Variants in MYPN observed in about 807,000 individuals in gnomAD.
MYPN encodes sarcomeric protein myopalladin, 145 kDa (MYOP).
A neutral mutation model predicts 129.4 loss-of-function variants in MYPN; 63 were observed. The observed-to-expected ratio is 0.49, with a 90% CI of 0.40 to 0.60. MYPN has a LOEUF of 0.60. Ranked by LOEUF, MYPN falls within the 20% of genes least tolerant of loss-of-function variation. The probability of loss-of-function intolerance (pLI) is 0.00; values close to 1 mark genes in which losing one functional copy is unlikely to be tolerated. For missense variants in MYPN, 1,596 were observed against 1,635.4 expected, an observed-to-expected ratio of 0.98 and a Z score of 0.42; for synonymous variants, 629 against 600.9, an observed-to-expected ratio of 1.05 and a Z score of -0.68.
intron 1 of MYPN, among the ~76,000 whole-genome samples, chr10:68,118,977 C>T (rs1489876185): frequency 1.3e-5 from 2 of 151,840 alleles, no homozygotes; most frequent in Non-Finnish European, 2.9e-5. Flanking sequence ...AGAGAGAAAG[C>T]CATCCTGATT....
At chr10:68,206,180 A>G (rs2043812528) in intron 18 of MYPN, among the ~76,000 whole-genome samples, 1 of 152,118 alleles carries the variant, frequency 6.6e-6, no homozygotes, top group East Asian at 1.9e-4. Context: ...GTTTCCAAAA[A>G]TCCTAATGCT....
At chr10:68,203,163 C>T (rs957963061) in intron 18 of MYPN, among the ~76,000 whole-genome samples, 1 of 152,120 alleles carries the variant, frequency 6.6e-6, no homozygotes, top group African/African-American at 2.4e-5. Context: ...AAGGCAGTGG[C>T]AGGGGAGGGA....
In MYPN at chr10:68,185,583, C is replaced by T. The variant is rs540160610; in HGVS notation, c.2704-3322C>T. On this transcript the variant is annotated intron_variant, in intron 12 of 19. Coordinates refer to ENST00000358913, the MANE Select transcript of MYPN (RefSeq NM_032578.4). ...GAGCCTGAAATAAATGGAGAACAGC[C>T]ACCCTCATGAAAAGTTTGGGGTCTA... is the stretch of plus-strand genomic sequence containing the variant. Among the ~76,000 whole-genome samples, 3 of 152,234 alleles carry T rather than the reference C, an allele frequency of 2.0e-5. No homozygotes were observed. In the East Asian group the frequency reaches 5.8e-4, roughly 29 times the overall value.
chr10:68,211,898 G>T lies in MYPN; in HGVS notation c.*1443G>T, dbSNP rs777801208. The T allele has an allele frequency of 2.7e-5, 12 of 440,300 alleles. No homozygotes were observed. The highest frequency in any genetic ancestry group is 5.0e-5 in the Non-Finnish European group (11 of 218,766). The allele number at this position is 440,300 out of a possible 1,614,324, so 27.3% of individuals were successfully genotyped here. A position where few individuals can be genotyped will look rare whatever the true frequency, so the allele number is the denominator to read the frequency against. ...GAATCCCTGGTGCTGTCTGTGCCAA[G>T]CACACTCAGCTGGCATTGTATTTGT... On this transcript the variant is annotated 3_prime_UTR_variant, in exon 20 of 20. Transcript: ENST00000358913.
chr10:68,132,969 A>G (rs965056261), intron 2 of MYPN, among the ~76,000 whole-genome samples: 1 of 151,716 alleles, frequency 6.6e-6, no homozygotes, highest in Non-Finnish European at 1.5e-5. Flanking sequence ...TTCTCTTCCA[A>G]CACCCCAAAA....
chr10:68,103,309 T>TA (rs1335264311), upstream of MYPN, among the ~76,000 whole-genome samples: 1 of 152,236 alleles, frequency 6.6e-6, no homozygotes, highest in Non-Finnish European at 1.5e-5. Flanking sequence ...ATTTGGCACT[T>TA]ACTATTTTCC....
intron 2 of MYPN, among the ~76,000 whole-genome samples, chr10:68,140,668 T>A (rs573967055): frequency 6.6e-6 from 1 of 152,136 alleles, no homozygotes; most frequent in Non-Finnish European, 1.5e-5. Context: ...AGAAAAAACA[T>A]GGGCAGAGAC....
intron 9 of MYPN, 151 bp downstream of exon 9, chr10:68,165,969 G>A (rs1289510585): frequency 2.4e-6 from 2 of 819,558 alleles, no homozygotes; most frequent in East Asian, 2.6e-5. Context: ...TTCTTGAACA[G>A]TGTCCAATTT....
At chr10:68,197,106 A>G (rs981740896) in intron 15 of MYPN, among the ~76,000 whole-genome samples, 23 of 152,184 alleles carry the variant, frequency 1.5e-4, no homozygotes, top group African/African-American at 5.5e-4. Context: ...AATGACAGAA[A>G]GAAGCTAAGC....
chr10:68,151,368 T>C (rs1334783461), intron 6 of MYPN, among the ~76,000 whole-genome samples: 2 of 152,194 alleles, frequency 1.3e-5, no homozygotes, highest in Non-Finnish European at 2.9e-5. Context: ...TGCCTCTCAA[T>C]TTTTCAAGTT....
rs2042242365 is a variant in MYPN at position 68,121,561 on chromosome 10, T to C, written c.123T>C (p.Pro41=). 6.2e-7 allele frequency: 1 copy of C among 1,614,192 alleles called. No individual in the cohort carries two copies. Among genetic ancestry groups the C allele is most frequent in the Non-Finnish European group, 8.5e-7 (1 of 1,180,034 alleles). Residue 41 remains proline (P), a synonymous_variant, in exon 2 of 20, where the codon CCT becomes CCC. Transcript: ENST00000358913. ...ERSRAEPSSN[P]CHFGSPSGAA... is the part of the protein sequence containing the mutation. ...GTCGAGCGGAGCCCTCCTCCAACCC[T>C]TGCCATTTCGGCAGTCCTTCTGGGG...
rs533569387 is a variant in MYPN, at chr10:68,188,637, A to G, written c.2704-268A>G. On this transcript the variant is annotated intron_variant, in intron 12 of 19. Coordinates refer to ENST00000358913, the MANE Select transcript of MYPN (RefSeq NM_032578.4). ...TAGCTCTGAAAATTATATTCCATCT[A>G]CATTCCATTTCCTACAGAATTCTCC... Among the ~76,000 whole-genome samples the G allele has an allele frequency of 2.0e-5, 3 of 152,284 alleles. No homozygotes were observed. In the South Asian group the frequency reaches 6.2e-4, roughly 32 times the overall value.
chr10:68,118,999 T>C (rs2133986007), intron 1 of MYPN, among the ~76,000 whole-genome samples: 1 of 152,240 alleles, frequency 6.6e-6, no homozygotes, highest in East Asian at 1.9e-4. Flanking sequence ...ATAAGGCACT[T>C]AATTTCCCCC....
At chr10:68,090,974 G>A (rs535821521) in intron 1 of MYPN, among the ~76,000 whole-genome samples, 5 of 152,108 alleles carry the variant, frequency 3.3e-5, no homozygotes, top group South Asian at 2.1e-4. Flanking sequence ...CAAAGTACTC[G>A]CATTAACCAA....
At chr10:68,189,203 A>T (rs1220262292) in intron 13 of MYPN, 77 bp downstream of exon 13, 2 of 990,508 alleles carry the variant, frequency 2.0e-6, no homozygotes, top group East Asian at 2.4e-5. Context: ...GTCTTTAAAA[A>T]ATATACGCAA....
At chr10:68,121,316 A>T in intron 1 of MYPN, 122 bp from the exon 2 acceptor site, 1 of 846,572 alleles carries the variant, frequency 1.2e-6, no homozygotes, top group Non-Finnish European at 1.8e-6. Context: ...TAAAAGTATT[A>T]AAATTAGGCA....
At chr10:68,101,383 T>A (rs2041981147), upstream of MYPN, among the ~76,000 whole-genome samples, 1 of 152,188 alleles carries the variant, frequency 6.6e-6, no homozygotes, top group South Asian at 2.1e-4. Flanking sequence ...GAACAGTGGT[T>A]TGTATTTCAT....
chr10:68,169,806 C>T (rs12784496), intron 10 of MYPN, among the ~76,000 whole-genome samples: 66 of 151,602 alleles, frequency 4.4e-4, no homozygotes, highest in Non-Finnish European at 8.7e-4. Context: ...CTGGCGTGAT[C>T]TCAGCTCACT....
At chr10:68,178,565 T>C (rs2043263899) in intron 12 of MYPN, among the ~76,000 whole-genome samples, 1 of 151,836 alleles carries the variant, frequency 6.6e-6, no homozygotes. Context: ...ATACAAAAAT[T>C]AGATGGGTTT....
Sources: gnomAD v4.1 joint callset for allele counts (sites outside exome capture counted in the v4.1 genomes callset) on GRCh38, gnomAD v4.1.1 for gene constraint, MANE v1.5 for transcripts, NCBI Gene and HGNC (gene_info 2026-07-23, HGNC 2026-07-21) for gene names.